PNPLA3: variants seen among roughly 807,000 people sequenced by gnomAD.
PNPLA3 encodes the protein 1-acylglycerol-3-phosphate O-acyltransferase PNPLA3.
In PNPLA3, 42 loss-of-function variants were observed where a neutral mutation model predicts 43.1. The ratio of observed to expected loss-of-function variants is 0.97; its 90% CI spans 0.76 to 1.26. The LOEUF (loss-of-function observed/expected upper bound fraction) is 1.26. Ranked by LOEUF, PNPLA3 falls within the 50% of genes most tolerant of loss-of-function variation. PNPLA3 has a pLI of 0.00. For synonymous variants in PNPLA3, 272 were observed against 253.6 expected (o/e 1.07, Z -0.69); for missense variants, 647 against 621.4 (o/e 1.04, Z -0.44).
chr22:43,944,810 T>C lies in PNPLA3; in HGVS notation c.1217+15T>C. 1 of 1,605,058 alleles carries C rather than the reference T, an allele frequency of 6.2e-7. No homozygotes were observed. On this transcript the variant is annotated intron_variant, in intron 8 of 8. Transcript: ENST00000216180. ...CCCGCCTCCAGGTAAATACTTTGGCTGTGGGTGTGTGGGCCGGACGGGCAC... is the reference window on the plus strand; with the variant it reads ...CCCGCCTCCAGGTAAATACTTTGGCCGTGGGTGTGTGGGCCGGACGGGCAC...
At chr22:43,934,740 A>G in intron 5 of PNPLA3, 74 bp downstream of exon 5, 2 of 1,441,360 alleles carry the variant, frequency 1.4e-6, no homozygotes, top group Non-Finnish European at 2.0e-6. Flanking sequence ...AAGACTTGAG[A>G]TTTGCCTTAG....
rs1479469102 is a variant in PNPLA3 at position 43,946,808 on chromosome 22, T to G, written c.*426T>G. ...AGAATAGCATGATCCCACTTCCCCA[T>G]GCTGTGGGAAGGGGTGCAGTTCGTC... is the stretch of plus-strand genomic sequence containing the variant. On this transcript the variant is annotated 3_prime_UTR_variant, in exon 9 of 9. Coordinates refer to ENST00000216180, the MANE Select transcript of PNPLA3 (RefSeq NM_025225.3). The G allele has an allele frequency of 3.9e-6, 2 of 508,006 alleles. No individual in the cohort carries two copies. Among genetic ancestry groups the G allele is most frequent in the Non-Finnish European group, 7.8e-6 (2 of 255,024 alleles). 31.5% of individuals were successfully genotyped at this position (508,006 alleles called of 1,614,324 possible).
chr22:43,933,763 T>C (rs2049976795), intron 4 of PNPLA3, among the ~76,000 whole-genome samples: 1 of 152,206 alleles, frequency 6.6e-6, no homozygotes, highest in South Asian at 2.1e-4. Context: ...TAGTATGCCT[T>C]ACCACTCTAC....
intron 2 of PNPLA3, among the ~76,000 whole-genome samples, chr22:43,927,512 T>C (rs1462577529): frequency 1.3e-5 from 2 of 150,216 alleles, no homozygotes; most frequent in Admixed American, 6.6e-5. Flanking sequence ...AAAGAAAGAC[T>C]GTTTTGTTTT....
Position 43,944,675 on chromosome 22 carries a change from G to T in PNPLA3, c.1113-16G>T. On this transcript the variant is annotated splice_polypyrimidine_tract_variant and intron_variant, in intron 7 of 8. Coordinates refer to ENST00000216180, the MANE Select transcript of PNPLA3 (RefSeq NM_025225.3). ...TGCCTATGTGTGTGTTTGTGTACTT[G>T]GTCTCATCTCTGCAGACTGGTGACA... 6.2e-7 allele frequency: 1 copy of T among 1,608,462 alleles called. No homozygotes were observed. Among genetic ancestry groups the T allele is most frequent in the Non-Finnish European group, 8.5e-7 (1 of 1,174,824 alleles).
rs990854737 is a variant in PNPLA3, at chr22:43,946,625, G to T, written c.*243G>T. The T allele has an allele frequency of 1.3e-5, 9 of 703,508 alleles. No individual in the cohort carries two copies. Among genetic ancestry groups the T allele is most frequent in the Non-Finnish European group, 1.8e-5 (7 of 381,012 alleles). The allele number at this position is 703,508 out of a possible 1,614,324, so 43.6% of individuals were successfully genotyped here. ...GCTGGTTGGGAAATGACACCAGGAA[G>T]CCCAGTGCAGAGGGTCCCTTACTGA... On this transcript the variant is annotated 3_prime_UTR_variant, in exon 9 of 9. Coordinates refer to ENST00000216180, the MANE Select transcript of PNPLA3 (RefSeq NM_025225.3).
At chr22:43,938,980 C>T (rs2050014043) in intron 6 of PNPLA3, among the ~76,000 whole-genome samples, 1 of 152,170 alleles carries the variant, frequency 6.6e-6, no homozygotes, top group South Asian at 2.1e-4. Context: ...CTGGAGTGTG[C>T]AGTGGCGTGA....
intron 5 of PNPLA3, 61 bp from the exon 6 acceptor site, chr22:43,936,990 G>A (rs1288017045): frequency 1.4e-6 from 2 of 1,390,876 alleles, no homozygotes; most frequent in African/African-American, 2.9e-5. Context: ...TGGTAGATGG[G>A]TGGGTAACGA....
Position 43,937,250 on chromosome 22 carries a change from C to T in PNPLA3, c.957C>T (p.Thr319=). 1 of 1,614,014 alleles carries T rather than the reference C, an allele frequency of 6.2e-7. No homozygotes were observed. The highest frequency in any genetic ancestry group is 2.2e-5 in the East Asian group (1 of 44,882). The stretch of plus-strand genomic sequence containing the variant: ...CCTGGGATGAGAGCATCCTGGACAC[C>T]CTCTCGCCCAGGCTCGCTACAGGTA... ...ILPWDESILD[T]LSPRLATALS... The change falls in exon 6 of 9, where the codon ACC becomes ACT. Residue 319 remains threonine, a synonymous_variant. Coordinates refer to ENST00000216180, the MANE Select transcript of PNPLA3 (RefSeq NM_025225.3).
chr22:43,946,452 C>G lies in PNPLA3; in HGVS notation c.*70C>G, dbSNP rs557722575. 6.0e-5 allele frequency: 83 copies of G among 1,393,660 alleles called. 1 individual carries two copies. In the Middle Eastern group the frequency reaches 3.0e-3, roughly 51 times the overall value. 86.3% of individuals were successfully genotyped at this position (1,393,660 alleles called of 1,614,324 possible). ...AAGTTTCCCATCTTTGTGCAGCTAC[C>G]TCCGCATTGCTGTGTAGTGACCCCT... On this transcript the variant is annotated 3_prime_UTR_variant, in exon 9 of 9. Transcript: ENST00000216180.
At position 43,924,099 on chromosome 22, in the gene PNPLA3, G is replaced by C; in HGVS notation, c.187+1G>C. On this transcript the variant is annotated splice_donor_variant, in intron 1 of 8. Coordinates refer to ENST00000216180, the MANE Select transcript of PNPLA3 (RefSeq NM_025225.3). LOFTEE classifies it high-confidence loss of function. ...GGCGTCCTCTCCGGTATCCCGCTGG[G>C]TGCGTCTGGGGACGCTGCCCGGGCT... is the stretch of plus-strand genomic sequence containing the variant. 2.6e-6 allele frequency: 4 copies of C among 1,548,950 alleles called. No individual in the cohort carries two copies. Among genetic ancestry groups the C allele is most frequent in the Non-Finnish European group, 3.5e-6 (4 of 1,157,588 alleles).
At position 43,937,067 on chromosome 22, in the gene PNPLA3, C is replaced by A. The variant is rs777978287; in HGVS notation, c.774C>A (p.Pro258=). The A allele has an allele frequency of 1.2e-6, 2 of 1,613,726 alleles. No homozygotes were observed. The highest frequency in any genetic ancestry group is 3.3e-5 in the Admixed American group (2 of 60,030). ...FLEEKGICNR[P]QPGLKSSSEG... is the part of the protein sequence containing the mutation. ...CCTTCACAGGCATCTGCAACAGGCC[C>A]CAGCCAGGCCTGAAGTCATCCTCAG... Residue 258 remains proline (P), a synonymous_variant, in exon 6 of 9, where the codon CCC becomes CCA. Coordinates refer to ENST00000216180, the MANE Select transcript of PNPLA3 (RefSeq NM_025225.3).
chr22:43,938,849 C>G (rs1246748995), intron 6 of PNPLA3, among the ~76,000 whole-genome samples: 1 of 152,226 alleles, frequency 6.6e-6, no homozygotes, highest in Non-Finnish European at 1.5e-5. Context: ...CAAGGACCAG[C>G]TTGTAAAGCT....
At chr22:43,944,864 C>G in intron 8 of PNPLA3, 69 bp downstream of exon 8, 1 of 1,323,658 alleles carries the variant, frequency 7.6e-7, no homozygotes, top group Non-Finnish European at 1.1e-6. Flanking sequence ...CCTCACACGA[C>G]ATTCTAGAAA....
intron 1 of PNPLA3, among the ~76,000 whole-genome samples, chr22:43,925,080 T>TTCCTCCTCC (rs138736648): frequency 1.3e-5 from 2 of 151,134 alleles, no homozygotes; most frequent in Admixed American, 6.6e-5. Flanking sequence ...GGAAAGTTGT[T>TTCCTCCTCC]TCCTCCTCCT....
chr22:43,931,643 G>A (rs1049923878), intron 3 of PNPLA3, among the ~76,000 whole-genome samples: 3 of 152,126 alleles, frequency 2.0e-5, no homozygotes, highest in African/African-American at 7.2e-5. Context: ...AGCCTCCCGA[G>A]CAGCTGAGAT....
intron 3 of PNPLA3, among the ~76,000 whole-genome samples, chr22:43,929,753 C>T (rs566725302): frequency 6.6e-6 from 1 of 151,716 alleles, no homozygotes; most frequent in Non-Finnish European, 1.5e-5. Flanking sequence ...CCTGCCGTCA[C>T]GCCAAGCTAA....
rs1164420840 is a variant in PNPLA3 at position 43,926,927 on chromosome 22, G to T, written c.188-8G>T. 1 of 1,612,478 alleles carries T rather than the reference G, an allele frequency of 6.2e-7. No homozygotes were observed. Among genetic ancestry groups the T allele is most frequent in the Non-Finnish European group, 8.5e-7 (1 of 1,178,670 alleles). On this transcript the variant is annotated splice_polypyrimidine_tract_variant and splice_region_variant and intron_variant, in intron 1 of 8. Transcript: ENST00000216180. ...ACATTCTTTCATGTATTTGTCTCCT[G>T]TCCCCAGAGCAGACTCTGCAGGTCC...
chr22:43,930,887 A>C (rs568261611), intron 3 of PNPLA3, among the ~76,000 whole-genome samples: 1 of 152,296 alleles, frequency 6.6e-6, no homozygotes, highest in East Asian at 1.9e-4. Context: ...GGGGAGTACC[A>C]GGCCGAGGTG....
Sources: allele counts gnomAD v4.1 joint callset (sites outside exome capture counted in the v4.1 genomes callset), GRCh38; gene constraint gnomAD v4.1.1; transcripts MANE v1.5; gene names NCBI Gene and HGNC (gene_info 2026-07-23, HGNC 2026-07-21).